The following SCHIP1 variants were observed in gnomAD, a reference collection of about 807,000 sequenced individuals.
SCHIP1 encodes schwannomin-interacting protein 1.
A neutral mutation model predicts 29.7 loss-of-function variants in SCHIP1; 8 were observed. The observed-to-expected ratio is 0.27, with a 90% CI of 0.16 to 0.49. SCHIP1 has a LOEUF of 0.49. Among genes scored for constraint, SCHIP1 ranks in the 20% least tolerant of loss-of-function variants. SCHIP1 has a pLI of 0.99. For missense variants in SCHIP1, 193 were observed against 294.6 expected (o/e 0.66, Z 2.52); for synonymous variants, 76 against 94.9 (o/e 0.80, Z 1.16).
In SCHIP1 at chr3:159,886,510, A is replaced by G. The variant is rs535420859; in HGVS notation, c.267+186A>G. 5.0e-4 allele frequency: 272 copies of G among 544,854 alleles called. No homozygotes were observed. In the African/African-American group the frequency reaches 5.0e-3, roughly 10 times the overall value. The allele number at this position is 544,854 out of a possible 1,614,324, so 33.8% of individuals were successfully genotyped here. On this transcript the variant is annotated intron_variant, in intron 3 of 6. Coordinates refer to ENST00000445224, the Ensembl canonical transcript of SCHIP1. ...CAAAGTTGTAATAAAATAGAGATAT[A>G]TAAGCTTTCTTAAAGTTAATAACTA...
the SCHIP1 span, among the ~76,000 whole-genome samples, chr3:159,562,904 A>AT: frequency 6.6e-6 from 1 of 152,178 alleles, no homozygotes; most frequent in African/African-American, 2.4e-5. Context: ...TGTGGCCAAA[A>AT]TCCTTTGCTC....
At chr3:159,343,538 C>T in the SCHIP1 span, among the ~76,000 whole-genome samples, 1 of 152,276 alleles carries the variant, frequency 6.6e-6, no homozygotes, top group Admixed American at 6.5e-5. Flanking sequence ...CTCCCTAAGG[C>T]ATGTTCTTTT....
At chr3:159,312,271 A>G in the SCHIP1 span, among the ~76,000 whole-genome samples, 1 of 152,144 alleles carries the variant, frequency 6.6e-6, no homozygotes, top group African/African-American at 2.4e-5. Flanking sequence ...ATAAATGTTC[A>G]TTTCTCACTC....
the SCHIP1 span, among the ~76,000 whole-genome samples, chr3:159,304,849 G>A: frequency 1.4e-3 from 212 of 151,918 alleles, no homozygotes; most frequent in Admixed American, 2.5e-3. Flanking sequence ...AAATAACATT[G>A]GGTTTGACCA....
Position 159,887,433 on chromosome 3 carries a change from A to G in SCHIP1, c.268-275A>G, listed in dbSNP as rs970443680. On this transcript the variant is annotated intron_variant, in intron 3 of 6. Coordinates refer to ENST00000445224, the Ensembl canonical transcript of SCHIP1. ...TTGTTATGTCTGTTCACTTCAGGAAAGTTTTGAGGCCAAGAATCAAAGACA... is the reference window on the plus strand; with the variant it reads ...TTGTTATGTCTGTTCACTTCAGGAAGGTTTTGAGGCCAAGAATCAAAGACA... The G allele has an allele frequency of 1.7e-4, 63 of 370,810 alleles. No homozygotes were observed. The South Asian group carries it at 2.0e-3, about 12-fold the overall frequency. The allele number at this position is 370,810 out of a possible 1,614,324, so 23.0% of individuals were successfully genotyped here.
the SCHIP1 span, among the ~76,000 whole-genome samples, chr3:159,572,134 C>T: frequency 6.6e-6 from 1 of 152,062 alleles, no homozygotes; most frequent in East Asian, 1.9e-4. Context: ...TTCAGTTCTG[C>T]TCTGATCTTA....
chr3:159,601,354 T>C, the SCHIP1 span, among the ~76,000 whole-genome samples: 1 of 152,056 alleles, frequency 6.6e-6, no homozygotes, highest in Admixed American at 6.5e-5. Flanking sequence ...CTGCTCTCTA[T>C]GGAAGCAGCA....
the SCHIP1 span, among the ~76,000 whole-genome samples, chr3:159,487,202 T>C: frequency 6.6e-6 from 1 of 152,194 alleles, no homozygotes; most frequent in African/African-American, 2.4e-5. Context: ...TTGAGAGAAG[T>C]AGTTCATATC....
the SCHIP1 span, among the ~76,000 whole-genome samples, chr3:159,381,750 C>G: frequency 1.3e-5 from 2 of 152,122 alleles, no homozygotes; most frequent in Non-Finnish European, 2.9e-5. Context: ...CATGCACCAC[C>G]ATGCCTGGCT....
chr3:159,428,287 A>G, the SCHIP1 span, among the ~76,000 whole-genome samples: 10 of 151,480 alleles, frequency 6.6e-5, no homozygotes, highest in African/African-American at 2.2e-4. Flanking sequence ...AATTTTCTCA[A>G]CCTACTCATC....
At chr3:159,305,996 T>C in the SCHIP1 span, among the ~76,000 whole-genome samples, 1 of 152,172 alleles carries the variant, frequency 6.6e-6, no homozygotes, top group Admixed American at 6.5e-5. Context: ...TCTGTGGGAT[T>C]GTTTAAGATG....
the SCHIP1 span, among the ~76,000 whole-genome samples, chr3:159,508,261 T>A: frequency 1.4e-3 from 211 of 152,352 alleles, no homozygotes; most frequent in South Asian, 0.026. Flanking sequence ...CGTAGAGATG[T>A]TTATAGTATT....
chr3:159,765,168 C>G, the SCHIP1 span: 2 of 1,535,532 alleles, frequency 1.3e-6, no homozygotes, highest in South Asian at 2.4e-5. Flanking sequence ...TGCCCACGCG[C>G]GCACACACGC....
chr3:159,401,090 C>T, the SCHIP1 span: 1 of 609,560 alleles, frequency 1.6e-6, no homozygotes, highest in Non-Finnish European at 2.1e-6. Context: ...AATAGCACAT[C>T]CTACAGGATT....
At chr3:159,447,906 G>A in the SCHIP1 span, among the ~76,000 whole-genome samples, 5 of 152,162 alleles carry the variant, frequency 3.3e-5, no homozygotes, top group Admixed American at 6.5e-5. Context: ...AGGCATTAGG[G>A]CTATAAGGTT....
the SCHIP1 span, among the ~76,000 whole-genome samples, chr3:159,558,319 T>C: frequency 1.3e-5 from 2 of 152,334 alleles, no homozygotes; most frequent in Middle Eastern, 3.4e-3. Context: ...TTATTACCTA[T>C]TTTTATTTGC....
the SCHIP1 span, among the ~76,000 whole-genome samples, chr3:159,337,351 G>A: frequency 0.24 from 36,382 of 151,914 alleles, 4,700 homozygotes; most frequent in African/African-American, 0.33. Flanking sequence ...GGCCAGGGCA[G>A]TCAGGCAGGA....
At chr3:159,825,514 A>G in the SCHIP1 span, among the ~76,000 whole-genome samples, 50 of 152,332 alleles carry the variant, frequency 3.3e-4, no homozygotes, top group East Asian at 7.7e-3. Flanking sequence ...CCACTTGACC[A>G]GCTTTCCCAC....
At chr3:159,696,708 C>G in the SCHIP1 span, among the ~76,000 whole-genome samples, 2 of 152,124 alleles carry the variant, frequency 1.3e-5, no homozygotes, top group South Asian at 2.1e-4. Flanking sequence ...AAGTAGAAGA[C>G]TCTGTGGGTG....
Sources: gnomAD v4.1 joint callset for allele counts (sites outside exome capture counted in the v4.1 genomes callset) on GRCh38, gnomAD v4.1.1 for gene constraint, MANE v1.5 for transcripts, NCBI Gene and HGNC (gene_info 2026-07-23, HGNC 2026-07-21) for gene names.